Variants in AGAP1 observed in about 807,000 individuals in gnomAD.
AGAP1 encodes ArfGAP with GTPase domain, ankyrin repeat and PH domain 1.
AGAP1 carries 29 observed loss-of-function variants against 105.3 expected under a neutral mutation model. The ratio of observed to expected loss-of-function variants is 0.28; its 90% CI spans 0.21 to 0.38. The LOEUF is 0.38. Ranked by LOEUF, AGAP1 falls within the 10% of genes least tolerant of loss-of-function variation. The pLI is 1.00. For synonymous variants in AGAP1, 509 were observed against 485.9 expected, an observed-to-expected ratio of 1.05 and a Z score of -0.63; for missense variants, 998 against 1,165.1, an observed-to-expected ratio of 0.86 and a Z score of 2.09.
intron 6 of AGAP1, among the ~76,000 whole-genome samples, chr2:235,762,110 CAAAAAAA>C (rs200107455): frequency 2.7e-4 from 27 of 100,996 alleles, no homozygotes; most frequent in Admixed American, 7.0e-4. Flanking sequence ...AACTCCGTCT[CAAAAAAA>C]AAAAAAAAAA....
At chr2:235,949,228 T>C (rs1202168568) in intron 12 of AGAP1, among the ~76,000 whole-genome samples, 1 of 152,152 alleles carries the variant, frequency 6.6e-6, no homozygotes, top group East Asian at 1.9e-4. Context: ...TCCGAAGGGC[T>C]CCATTGAGCA....
intron 1 of AGAP1, among the ~76,000 whole-genome samples, chr2:235,592,071 G>A (rs1043250325): frequency 1.3e-5 from 2 of 152,242 alleles, no homozygotes; most frequent in African/African-American, 4.8e-5. Flanking sequence ...CGCAAGAACA[G>A]ACTCACACAG....
In AGAP1 at chr2:235,807,277, C is replaced by T; in HGVS notation, c.996C>T (p.Gly332=). 2 of 1,606,914 alleles carry T rather than the reference C, an allele frequency of 1.2e-6. No individual in the cohort carries two copies. The highest frequency in any genetic ancestry group is 8.5e-7 in the Non-Finnish European group (1 of 1,178,176). The stretch of plus-strand genomic sequence containing the variant: ...GCGACCCAGACAAAGAGAAGAAAGG[C>T]CTGGAGAGTCGTGCGGACAGCATTG... ...KGSDPDKEKK[G]LESRADSIGS... The change falls in exon 9 of 18, where the codon GGC becomes GGT. Residue 332 remains glycine (G), a synonymous_variant. Coordinates refer to ENST00000304032, the MANE Select transcript of AGAP1 (RefSeq NM_001037131.3).
Position 235,629,053 on chromosome 2 carries a change from A to G in AGAP1, c.164-80126A>G, listed in dbSNP as rs554906668. ...TCTCAAACTCCTGACCTCATGATCC[A>G]GCCGCCTTGGCCTCCCAAAGTGCTG... is the stretch of plus-strand genomic sequence containing the variant. On this transcript the variant is annotated intron_variant, in intron 1 of 17. Transcript: ENST00000304032. Among the ~76,000 whole-genome samples the G allele has an allele frequency of 2.0e-5, 3 of 152,170 alleles. No homozygotes were observed. The South Asian group carries it at 6.2e-4, about 32-fold the overall frequency.
intron 9 of AGAP1, among the ~76,000 whole-genome samples, chr2:235,818,523 A>G (rs1312145760): frequency 6.6e-6 from 1 of 152,124 alleles, no homozygotes; most frequent in Non-Finnish European, 1.5e-5. Flanking sequence ...GCTCACTGCA[A>G]CCTCTGTCAC....
In AGAP1 at chr2:235,878,303, A is replaced by G. The variant is rs551808857; in HGVS notation, c.1051-5042A>G. Among the ~76,000 whole-genome samples, 8 of 152,328 alleles carry G rather than the reference A, an allele frequency of 5.3e-5. No homozygotes were observed. The South Asian group carries it at 1.7e-3, about 32-fold the overall frequency. ...ATGTATACCTGTGGCCAGTATTTTA[A>G]CATAAGAAGCCATCACACACAAGTC... On this transcript the variant is annotated intron_variant, in intron 9 of 17. Coordinates refer to ENST00000304032, the MANE Select transcript of AGAP1 (RefSeq NM_001037131.3).
In AGAP1 at chr2:235,609,415, C is replaced by T. The variant is rs997867425; in HGVS notation, c.164-99764C>T. ...CCTCCACAACAGGTGGAGAAAATAGCAAGGGCTGCTGGGCACGATCATTCG... is the reference window on the plus strand; with the variant it reads ...CCTCCACAACAGGTGGAGAAAATAGTAAGGGCTGCTGGGCACGATCATTCG... On this transcript the variant is annotated intron_variant, in intron 1 of 17. Transcript: ENST00000304032. This position sits in a 1 kb window ranked among gnomAD's most constrained non-coding sequence, Gnocchi z 5.1. 6.6e-6 allele frequency among the ~76,000 whole-genome samples: 1 copy of T among 152,206 alleles called. No individual in the cohort carries two copies. Among genetic ancestry groups the T allele is most frequent in the Admixed American group, 6.5e-5 (1 of 15,288 alleles).
In AGAP1 at chr2:235,893,497, T is replaced by C. The variant is rs991064066; in HGVS notation, c.1155+10048T>C. ...GTCCATCATAAGGGTGAGCCATGTT[T>C]GTGGCGTGGGTGTGGCATGTCCACG... On this transcript the variant is annotated intron_variant, in intron 10 of 17. Transcript: ENST00000304032. This position sits in a 1 kb window ranked among gnomAD's most constrained non-coding sequence, Gnocchi z 4.7. 3.4e-5 allele frequency among the ~76,000 whole-genome samples: 5 copies of C among 148,656 alleles called. No homozygotes were observed. Among genetic ancestry groups the C allele is most frequent in the Non-Finnish European group, 7.4e-5 (5 of 67,170 alleles).
In AGAP1 at chr2:235,712,252, T is replaced by C. The variant is rs1215401822; in HGVS notation, c.222+3015T>C. Among the ~76,000 whole-genome samples, 1 of 152,186 alleles carries C rather than the reference T, an allele frequency of 6.6e-6. No homozygotes were observed. The highest frequency in any genetic ancestry group is 2.4e-5 in the African/African-American group (1 of 41,460). On this transcript the variant is annotated intron_variant, in intron 2 of 17. Transcript: ENST00000304032. The surrounding 1 kb of genome is among the most constrained non-coding windows in gnomAD (Gnocchi z 6.0). ...CCAGGCTATGCTCAAACTCCTGACCTCGTCATCCGCCTGCCTTGGCCTCCC... is the reference window on the plus strand; with the variant it reads ...CCAGGCTATGCTCAAACTCCTGACCCCGTCATCCGCCTGCCTTGGCCTCCC...
intron 1 of AGAP1, among the ~76,000 whole-genome samples, chr2:235,677,386 C>T (rs1459014798): frequency 6.6e-6 from 1 of 152,082 alleles, no homozygotes; most frequent in Non-Finnish European, 1.5e-5. Context: ...ATTGTTTCGG[C>T]GACTCCTTAT....
rs1477020662 is a variant in AGAP1 at position 236,096,469 on chromosome 2, C to G, written c.2115-23723C>G. Among the ~76,000 whole-genome samples the G allele has an allele frequency of 6.6e-6, 1 of 151,562 alleles. No individual in the cohort carries two copies. The highest frequency in any genetic ancestry group is 1.5e-5 in the Non-Finnish European group (1 of 67,926). ...TGAGCCAAGATCGCACCACTGCACT[C>G]CAGCCTTGGGGACAGAGTGAGCCTC... On this transcript the variant is annotated intron_variant, in intron 16 of 17. Coordinates refer to ENST00000304032, the MANE Select transcript of AGAP1 (RefSeq NM_001037131.3). This position sits in a 1 kb window ranked among gnomAD's most constrained non-coding sequence, Gnocchi z 4.4.
chr2:236,021,775 C>T lies in AGAP1; in HGVS notation c.1646-14786C>T, dbSNP rs117185536. ...GTCTTTTCTTAATTTAAGACAGGCA[C>T]GGGCCAGACATGGTGACTCACACCT... On this transcript the variant is annotated intron_variant, in intron 13 of 17. Transcript: ENST00000304032. Among the ~76,000 whole-genome samples, 142 of 151,978 alleles carry T rather than the reference C, an allele frequency of 9.3e-4. 5 individuals carry two copies. The East Asian group carries it at 0.026, about 28-fold the overall frequency.
At chr2:235,869,923 A>G (rs563345849) in intron 9 of AGAP1, among the ~76,000 whole-genome samples, 1 of 152,324 alleles carries the variant, frequency 6.6e-6, no homozygotes, top group Non-Finnish European at 1.5e-5. Context: ...CAGGCTTCCC[A>G]GGGGTGTAAA....
chr2:235,533,823 G>A (rs1356517957), intron 1 of AGAP1, among the ~76,000 whole-genome samples: 11 of 152,234 alleles, frequency 7.2e-5, no homozygotes, highest in African/African-American at 4.8e-5. Context: ...GCCCCTCTGT[G>A]CTGCAAGCAT....
Position 235,671,137 on chromosome 2 carries a change from G to T in AGAP1, c.164-38042G>T, listed in dbSNP as rs945941282. On this transcript the variant is annotated intron_variant, in intron 1 of 17. Transcript: ENST00000304032. ...CGGTTCCGCAGCGGCTATGGGACCCGCCCTCCCGGGTCGGGAGCCTGCACG... is the reference window on the plus strand; with the variant it reads ...CGGTTCCGCAGCGGCTATGGGACCCTCCCTCCCGGGTCGGGAGCCTGCACG... 267 of 1,227,884 alleles carry T rather than the reference G, an allele frequency of 2.2e-4. 1 individual carries two copies. Among genetic ancestry groups the T allele is most frequent in the African/African-American group, 5.5e-4 (35 of 63,982 alleles). 76.1% of individuals were successfully genotyped at this position (1,227,884 alleles called of 1,614,324 possible). A position where few individuals can be genotyped will look rare whatever the true frequency, so the allele number is the denominator to read the frequency against.
chr2:235,836,730 A>G (rs1467443213), intron 9 of AGAP1, among the ~76,000 whole-genome samples: 1 of 152,188 alleles, frequency 6.6e-6, no homozygotes, highest in African/African-American at 2.4e-5. Context: ...ACTCTTCTCA[A>G]GGAGCGGGAG....
intron 1 of AGAP1, among the ~76,000 whole-genome samples, chr2:235,637,022 C>T (rs1947026780): frequency 6.6e-6 from 1 of 152,124 alleles, no homozygotes; most frequent in African/African-American, 2.4e-5. Context: ...CCTGCTGACG[C>T]TTTGATCTTG....
chr2:235,671,069 G>A (rs1948391030), intron 1 of AGAP1: 4 of 1,262,700 alleles, frequency 3.2e-6, no homozygotes. Flanking sequence ...TGGGCAGCGT[G>A]GCCGGGGGTC....
At position 236,123,842 on chromosome 2, in the gene AGAP1, GC is replaced by G; in HGVS notation, c.2371-76del. On this transcript the variant is annotated intron_variant, in intron 17 of 17. Transcript: ENST00000304032. The surrounding 1 kb of genome is among the most constrained non-coding windows in gnomAD (Gnocchi z 4.6). ...GTCCAAGCACAAGCCACATGCAAGGGCTGAGAGAAAGCTTCCCTGCCCCCTC... is the reference window on the plus strand; with the variant it reads ...GTCCAAGCACAAGCCACATGCAAGGGTGAGAGAAAGCTTCCCTGCCCCCTC... The G allele has an allele frequency of 6.4e-7, 1 of 1,562,432 alleles. No homozygotes were observed. The highest frequency in any genetic ancestry group is 8.7e-7 in the Non-Finnish European group (1 of 1,144,528).
Sources: allele counts gnomAD v4.1 joint callset (sites outside exome capture counted in the v4.1 genomes callset), GRCh38; gene constraint gnomAD v4.1.1; non-coding constraint Gnocchi (gnomAD v3.1); transcripts MANE v1.5; gene names NCBI Gene and HGNC (gene_info 2026-07-23, HGNC 2026-07-21).